MTUS2: variants seen among roughly 807,000 people sequenced by gnomAD.
The protein encoded by MTUS2 is microtubule associated scaffold protein 2.
In MTUS2, 40 loss-of-function variants were observed where a neutral mutation model predicts 114.1. That is an observed-to-expected ratio of 0.35 (90% confidence interval 0.27 to 0.46). MTUS2 has a LOEUF of 0.46. MTUS2 is among the 20% of genes least tolerant of loss of function. The probability of loss-of-function intolerance (pLI) is 1.00; values close to 1 mark genes in which losing one functional copy is unlikely to be tolerated. For synonymous variants in MTUS2, 688 were observed against 672.0 expected (o/e 1.02, Z -0.37); for missense variants, 1,679 against 1,705.4 (o/e 0.98, Z 0.27).
intron 2 of MTUS2, among the ~76,000 whole-genome samples, chr13:28,937,483 A>C: frequency 6.6e-6 from 1 of 152,094 alleles, no homozygotes; most frequent in Non-Finnish European, 1.5e-5. Context: ...CGCTTTTCAC[A>C]ATAGATCTTG....
intron 8 of MTUS2, among the ~76,000 whole-genome samples, chr13:29,390,690 G>A (rs1174076980): frequency 6.6e-6 from 1 of 151,348 alleles, no homozygotes; most frequent in Admixed American, 6.6e-5. Flanking sequence ...ATGTATTAGG[G>A]TCCCCGTTGG....
At chr13:28,908,370 C>T (rs1880186869) in intron 2 of MTUS2, among the ~76,000 whole-genome samples, 2 of 151,482 alleles carry the variant, frequency 1.3e-5, no homozygotes, top group South Asian at 2.1e-4. Context: ...TAATTCCCAC[C>T]TATGAGTGAG....
At position 29,280,742 on chromosome 13, in the gene MTUS2, T is replaced by A. The variant is rs189173499; in HGVS notation, c.2645-962T>A. Among the ~76,000 whole-genome samples the A allele has an allele frequency of 2.7e-3, 409 of 152,332 alleles. 3 individuals are homozygous for A. Among genetic ancestry groups the A allele is most frequent in the African/African-American group, 8.7e-3 (362 of 41,574 alleles). ...ACTGGACTGTTTTATTCCAAACAAG[T>A]GGTAATCTCCGTGCATTCAGGCTCT... is the stretch of plus-strand genomic sequence containing the variant. On this transcript the variant is annotated intron_variant, in intron 5 of 15. Transcript: ENST00000612955.
At chr13:28,959,941 A>C (rs1050528395) in intron 2 of MTUS2, among the ~76,000 whole-genome samples, 2 of 152,250 alleles carry the variant, frequency 1.3e-5, no homozygotes, top group Non-Finnish European at 2.9e-5. Context: ...TCAGCATCTC[A>C]TAACAAATAA....
intron 2 of MTUS2, among the ~76,000 whole-genome samples, chr13:28,885,888 T>C (rs1878563587): frequency 6.6e-6 from 1 of 152,184 alleles, no homozygotes; most frequent in Non-Finnish European, 1.5e-5. Flanking sequence ...GGAAAACCTT[T>C]AGAAGGGAAG....
intron 5 of MTUS2, among the ~76,000 whole-genome samples, chr13:29,194,260 A>C (rs1894575041): frequency 6.6e-6 from 1 of 152,210 alleles, no homozygotes; most frequent in African/African-American, 2.4e-5. Context: ...TAATTAAACT[A>C]AAAAGCTTCT....
chr13:29,488,030 AGGCAGGGGTGGGTGGTGCAAT>A, intron 11 of MTUS2, 25 bp downstream of exon 11: 1 of 1,578,788 alleles, frequency 6.3e-7, no homozygotes, highest in Non-Finnish European at 8.7e-7. Context: ...CGTGTGCAGC[AGGCAGGGGTGGGTGGTGCAAT>A]CCGAGCCTTT....
At chr13:29,245,792 G>A (rs1896901382) in intron 5 of MTUS2, among the ~76,000 whole-genome samples, 2 of 150,632 alleles carry the variant, frequency 1.3e-5, no homozygotes, top group African/African-American at 2.4e-5. Flanking sequence ...TGCCTCCCAG[G>A]TTCACGCCAG....
At chr13:29,363,068 C>A (rs1189186202) in intron 8 of MTUS2, among the ~76,000 whole-genome samples, 1 of 151,586 alleles carries the variant, frequency 6.6e-6, no homozygotes, top group East Asian at 1.9e-4. Context: ...GCTCCCAGAC[C>A]CCCAAGTGGT....
chr13:29,261,878 C>A (rs1211182989), intron 5 of MTUS2, among the ~76,000 whole-genome samples: 1 of 151,698 alleles, frequency 6.6e-6, no homozygotes, highest in Non-Finnish European at 1.5e-5. Flanking sequence ...GGATTTATTA[C>A]AATGGGTCTA....
At chr13:28,944,983 A>C (rs1239681600) in intron 2 of MTUS2, among the ~76,000 whole-genome samples, 1 of 152,132 alleles carries the variant, frequency 6.6e-6, no homozygotes, top group Non-Finnish European at 1.5e-5. Flanking sequence ...TCCCACCCTT[A>C]AAACCCTTCT....
chr13:29,470,251 G>T (rs1880180864), intron 9 of MTUS2, among the ~76,000 whole-genome samples: 1 of 152,182 alleles, frequency 6.6e-6, no homozygotes, highest in Non-Finnish European at 1.5e-5. Context: ...TGAACCAGGT[G>T]ATACTATCAC....
chr13:29,020,453 G>T (rs888694225), intron 2 of MTUS2, among the ~76,000 whole-genome samples: 1 of 152,138 alleles, frequency 6.6e-6, no homozygotes. Context: ...ACAGAAATTC[G>T]TGTTTGTGTT....
chr13:29,073,997 G>A (rs954520579), intron 4 of MTUS2, among the ~76,000 whole-genome samples: 6 of 152,040 alleles, frequency 3.9e-5, no homozygotes, highest in East Asian at 1.9e-4. Flanking sequence ...GCTCAGCCCC[G>A]TTCCTGCTCT....
Position 29,248,161 on chromosome 13 carries a change from A to G in MTUS2, c.2645-33543A>G, listed in dbSNP as rs117652945. ...GTAGCACCAGAATGGAAAACCAAACATCATATGTTCTCACTCAAAAGCGGG... is the reference window on the plus strand; with the variant it reads ...GTAGCACCAGAATGGAAAACCAAACGTCATATGTTCTCACTCAAAAGCGGG... On this transcript the variant is annotated intron_variant, in intron 5 of 15. Transcript: ENST00000612955. Among the ~76,000 whole-genome samples the G allele has an allele frequency of 1.1e-4, 17 of 152,364 alleles. No individual in the cohort carries two copies. In the East Asian group the frequency reaches 3.3e-3, roughly 29 times the overall value.
intron 7 of MTUS2, among the ~76,000 whole-genome samples, chr13:29,354,518 G>A (rs997553316): frequency 2.6e-5 from 4 of 152,090 alleles, no homozygotes; most frequent in Admixed American, 2.6e-4. Context: ...TGAACAAAGT[G>A]TTTATTGTTA....
intron 5 of MTUS2, among the ~76,000 whole-genome samples, chr13:29,200,056 G>A (rs765693499): frequency 3.6e-4 from 54 of 151,958 alleles, no homozygotes; most frequent in African/African-American, 8.0e-4. Flanking sequence ...ATTTTTTATC[G>A]TGTCTATTTA....
At chr13:29,286,664 G>GTCTATCTATCTATCTA (rs1481599709) in intron 6 of MTUS2, among the ~76,000 whole-genome samples, 368 of 76,414 alleles carry the variant, frequency 4.8e-3, no homozygotes, top group African/African-American at 0.02. Flanking sequence ...CTGTCTGTCT[G>GTCTATCTATCTATCTA]TCTGTCTGTC....
chr13:29,491,047 GT>G (rs1359119773), intron 11 of MTUS2, among the ~76,000 whole-genome samples: 11 of 150,216 alleles, frequency 7.3e-5, no homozygotes, highest in African/African-American at 2.5e-4. Flanking sequence ...GTGTGTGTGT[GT>G]GTGGTGGGAG....
Sources: allele counts gnomAD v4.1 joint callset (sites outside exome capture counted in the v4.1 genomes callset), GRCh38; gene constraint gnomAD v4.1.1; transcripts MANE v1.5; gene names NCBI Gene and HGNC (gene_info 2026-07-23, HGNC 2026-07-21).